Variants in SOX5 observed in about 807,000 individuals in gnomAD.
SOX5 encodes SRY-box transcription factor 5.
A neutral mutation model predicts 92.0 loss-of-function variants in SOX5; 9 were observed. The ratio of observed to expected loss-of-function variants is 0.10; its 90% CI spans 0.06 to 0.17. The LOEUF is 0.17. Ranked by LOEUF, SOX5 falls within the 10% of genes least tolerant of loss-of-function variation. The probability of loss-of-function intolerance (pLI) is 1.00; values close to 1 mark genes in which losing one functional copy is unlikely to be tolerated. For missense variants in SOX5, 642 were observed against 944.5 expected (o/e 0.68, Z 4.20); for synonymous variants, 344 against 336.3 (o/e 1.02, Z -0.25).
intron 3 of SOX5, among the ~76,000 whole-genome samples, chr12:23,782,872 T>TTG (rs142763307): frequency 7.1e-4 from 108 of 152,010 alleles, no homozygotes; most frequent in African/African-American, 2.3e-3. Context: ...ACATGAATTT[T>TTG]TGTGTGTGTG....
At chr12:23,732,612 A>C (rs2093433012) in intron 6 of SOX5, among the ~76,000 whole-genome samples, 1 of 152,062 alleles carries the variant, frequency 6.6e-6, no homozygotes, top group Non-Finnish European at 1.5e-5. Context: ...TCAATATCTC[A>C]ATGTTTCCCT....
intron 1 of SOX5, 69 bp from the exon 2 acceptor site, chr12:23,896,093 T>C: frequency 9.3e-7 from 1 of 1,076,524 alleles, no homozygotes; most frequent in Non-Finnish European, 1.4e-6. Context: ...CATTGTGTGG[T>C]TAGGGGCCAT....
intron 1 of SOX5, among the ~76,000 whole-genome samples, chr12:24,528,900 G>A (rs1051696651): frequency 2.6e-5 from 4 of 152,168 alleles, no homozygotes; most frequent in Admixed American, 1.3e-4. Flanking sequence ...CAAATATTCA[G>A]TATTATGATG....
At chr12:24,527,236 G>A (rs895905176) in intron 1 of SOX5, among the ~76,000 whole-genome samples, 3 of 152,164 alleles carry the variant, frequency 2.0e-5, no homozygotes, top group African/African-American at 4.8e-5. Context: ...CAACCCATGA[G>A]CTAGCTACTG....
chr12:24,457,549 C>A (rs1350588652), intron 1 of SOX5, among the ~76,000 whole-genome samples: 1 of 151,990 alleles, frequency 6.6e-6, no homozygotes, highest in African/African-American at 2.4e-5. Context: ...GTAAGATAAG[C>A]CTTTGGATAA....
At chr12:24,385,236 CA>C (rs557817484) in intron 1 of SOX5, among the ~76,000 whole-genome samples, 18 of 152,268 alleles carry the variant, frequency 1.2e-4, no homozygotes, top group African/African-American at 4.3e-4. Context: ...TACAATGGTG[CA>C]AAACCATTCT....
rs546243421 is a variant in SOX5, at chr12:24,356,018, A to G, written c.-174+12545T>C. Among the ~76,000 whole-genome samples, 3 of 149,420 alleles carry G rather than the reference A, an allele frequency of 2.0e-5. No homozygotes were observed. The South Asian group carries it at 6.2e-4, about 31-fold the overall frequency. On this transcript the variant is annotated intron_variant, in intron 2 of 4. Transcript: ENST00000446891. ...ATTTATTCTTTGTGGATTTAAAAAC[A>G]TTCAAAAGGATAAAAAAGGGGAGAT...
At chr12:24,448,291 G>A (rs1941782274) in intron 1 of SOX5, among the ~76,000 whole-genome samples, 1 of 152,142 alleles carries the variant, frequency 6.6e-6, no homozygotes, top group Non-Finnish European at 1.5e-5. Context: ...CAGTAAATGA[G>A]AGATTCTTAT....
At chr12:24,095,797 G>C (rs1277455927) in intron 4 of SOX5, among the ~76,000 whole-genome samples, 2 of 151,938 alleles carry the variant, frequency 1.3e-5, no homozygotes, top group Non-Finnish European at 2.9e-5. Flanking sequence ...GTTTTATAAG[G>C]GGCTCTCCCT....
At chr12:23,760,385 G>A (rs1029221581) in intron 3 of SOX5, among the ~76,000 whole-genome samples, 1 of 151,918 alleles carries the variant, frequency 6.6e-6, no homozygotes, top group African/African-American at 2.4e-5. Flanking sequence ...TTTTAAAAAA[G>A]AACATAAAGT....
At chr12:23,622,643 A>T (rs919265852) in intron 8 of SOX5, among the ~76,000 whole-genome samples, 34 of 152,272 alleles carry the variant, frequency 2.2e-4, no homozygotes, top group African/African-American at 7.7e-4. Flanking sequence ...TTTACCCATT[A>T]AAATATATCA....
chr12:23,971,121 C>CTTTTTTTTTTTTTTTTTTT lies in SOX5; in HGVS notation c.-1-75116_-1-75098dup, dbSNP rs71059953. Reference sequence around the variant, plus strand: ...CCATCTGAGTAGGTGTGTCAGCTGACTTTTTTTTTTTTTTTTTTTGAGAGG... The same window carrying CTTTTTTTTTTTTTTTTTTT: ...CCATCTGAGTAGGTGTGTCAGCTGACTTTTTTTTTTTTTTTTTTTTTTTTTTTTTTTTTTTTTTGAGAGG... On this transcript the variant is annotated intron_variant, in intron 4 of 4. Transcript: ENST00000446891. Among the ~76,000 whole-genome samples the CTTTTTTTTTTTTTTTTTTT allele has an allele frequency of 3.5e-5, 3 of 86,222 alleles. 1 individual carries two copies. Among genetic ancestry groups the CTTTTTTTTTTTTTTTTTTT allele is most frequent in the Non-Finnish European group, 6.1e-5 (3 of 49,250 alleles). The allele number at this position is 86,222 out of a possible 152,430, so 56.6% of individuals were successfully genotyped here.
intron 6 of SOX5, among the ~76,000 whole-genome samples, chr12:23,674,710 T>G (rs115628941): frequency 0.054 from 8,284 of 152,090 alleles, 647 homozygotes; most frequent in African/African-American, 0.18. Flanking sequence ...GTCGCATTTT[T>G]ACTGATTTTA....
At chr12:24,195,460 T>C (rs1245471522) in intron 4 of SOX5, among the ~76,000 whole-genome samples, 1 of 152,206 alleles carries the variant, frequency 6.6e-6, no homozygotes, top group Non-Finnish European at 1.5e-5. Flanking sequence ...AGTAGTCAAA[T>C]AATTAGGCAA....
At chr12:24,495,769 G>A (rs1035084421) in intron 1 of SOX5, among the ~76,000 whole-genome samples, 2 of 152,178 alleles carry the variant, frequency 1.3e-5, no homozygotes, top group African/African-American at 4.8e-5. Flanking sequence ...AAGAGAAGGT[G>A]TATATTTGAG....
intron 4 of SOX5, among the ~76,000 whole-genome samples, chr12:23,999,056 A>G (rs2136341495): frequency 6.6e-6 from 1 of 152,162 alleles, no homozygotes; most frequent in Middle Eastern, 3.4e-3. Flanking sequence ...ATTAAGTTTA[A>G]CAGCAGAATC....
At chr12:23,928,545 T>C (rs890030930) in intron 1 of SOX5, among the ~76,000 whole-genome samples, 22 of 151,808 alleles carry the variant, frequency 1.4e-4, no homozygotes, top group Non-Finnish European at 2.4e-4. Flanking sequence ...ACATAAACTA[T>C]AGAAAATTAT....
At chr12:23,933,740 C>A (rs747139058) in intron 1 of SOX5, among the ~76,000 whole-genome samples, 1 of 151,486 alleles carries the variant, frequency 6.6e-6, no homozygotes, top group Non-Finnish European at 1.5e-5. Context: ...GGTACTTGAG[C>A]AGATCCAAAA....
intron 4 of SOX5, among the ~76,000 whole-genome samples, chr12:24,018,538 G>A (rs1953928624): frequency 1.3e-5 from 2 of 152,104 alleles, no homozygotes; most frequent in African/African-American, 4.8e-5. Flanking sequence ...GCTCATACCT[G>A]TAATCCCAGT....
Sources: gnomAD v4.1 joint callset for allele counts (sites outside exome capture counted in the v4.1 genomes callset) on GRCh38, gnomAD v4.1.1 for gene constraint, MANE v1.5 for transcripts, NCBI Gene and HGNC (gene_info 2026-07-23, HGNC 2026-07-21) for gene names.